The following GLIS1 variants were observed in gnomAD, a reference collection of about 807,000 sequenced individuals.
GLIS1 encodes the protein GLIS family zinc finger 1, also known as zinc finger protein GLIS1.
Under a neutral mutation model 63.8 loss-of-function variants are expected in GLIS1, and 24 were observed. That is an observed-to-expected ratio of 0.38 (90% CI 0.27 to 0.53). The LOEUF (loss-of-function observed/expected upper bound fraction) is 0.53. GLIS1 is among the 20% of genes least tolerant of loss of function. The probability of loss-of-function intolerance (pLI) is 0.85; values close to 1 mark genes in which losing one functional copy is unlikely to be tolerated. For synonymous variants in GLIS1, 450 were observed against 482.5 expected, an observed-to-expected ratio of 0.93 and a Z score of 0.88; for missense variants, 1,036 against 1,074.1, an observed-to-expected ratio of 0.96 and a Z score of 0.50.
At chr1:53,530,037 C>A in intron 4 of GLIS1, 85 bp from the exon 5 acceptor site, 7 of 1,260,486 alleles carry the variant, frequency 5.6e-6, no homozygotes, top group Non-Finnish European at 7.6e-6. Flanking sequence ...GCCTGCCTGG[C>A]CCCAGCACCC....
chr1:53,514,489 G>T, intron 8 of GLIS1, 136 bp downstream of exon 8: 2 of 839,712 alleles, frequency 2.4e-6, no homozygotes, highest in Non-Finnish European at 3.7e-6. Context: ...GCAGTCTGCA[G>T]TCAGTGTTCC....
intron 2 of GLIS1, among the ~76,000 whole-genome samples, chr1:53,723,386 G>A (rs112070924): frequency 1.5e-3 from 226 of 151,668 alleles, no homozygotes; most frequent in Non-Finnish European, 2.4e-3. Flanking sequence ...TCACAGGTGC[G>A]TGCCACTATG....
In GLIS1 at chr1:53,594,989, A is replaced by G; in HGVS notation, c.439T>C (p.Ser147Pro). Reference sequence around the variant, plus strand: ...ACATACGTGGCCTGGGGTCTAGGTGACCTGGAAGACAGTGCCCAGAGAGGT... The same window carrying G: ...ACATACGTGGCCTGGGGTCTAGGTGGCCTGGAAGACAGTGCCCAGAGAGGT... Reference protein sequence around the residue: ...RLLHFPHPDRSPRPQATYVNG... With the variant: ...RLLHFPHPDRPPRPQATYVNG... The change falls in exon 4 of 11, where the codon TCA becomes CCA. Residue 147 changes from serine to proline, a missense_variant and splice_region_variant. Physicochemically the swap from Ser to Pro is moderately conservative, Grantham distance 74. Transcript: ENST00000628545. 1 of 1,421,576 alleles carries G rather than the reference A, an allele frequency of 7.0e-7. No homozygotes were observed. The highest frequency in any genetic ancestry group is 1.5e-5 in the South Asian group (1 of 65,426). The allele number at this position is 1,421,576 out of a possible 1,614,324, so 88.1% of individuals were successfully genotyped here. A position where few individuals can be genotyped will look rare whatever the true frequency, so the allele number is the denominator to read the frequency against.
At chr1:53,666,090 C>T (rs547373784) in intron 2 of GLIS1, among the ~76,000 whole-genome samples, 1 of 152,330 alleles carries the variant, frequency 6.6e-6, no homozygotes, top group South Asian at 2.1e-4. Flanking sequence ...CGAGGTTACA[C>T]AGCCAGGAAG....
At chr1:53,520,834 AG>A in intron 6 of GLIS1, 68 bp from the exon 7 acceptor site, 1 of 1,499,480 alleles carries the variant, frequency 6.7e-7, no homozygotes, top group Non-Finnish European at 9.0e-7. Context: ...CCCTCACGTT[AG>A]GGGACAGGGC....
intron 2 of GLIS1, among the ~76,000 whole-genome samples, chr1:53,719,027 C>T (rs796123902): frequency 5.9e-5 from 9 of 152,278 alleles, no homozygotes; most frequent in South Asian, 4.2e-4. Context: ...GGCAGGCACC[C>T]GCATGCATCC....
chr1:53,583,786 G>C (rs970048700), intron 4 of GLIS1, among the ~76,000 whole-genome samples: 1 of 152,234 alleles, frequency 6.6e-6, no homozygotes, highest in Admixed American at 6.5e-5. Context: ...AGACCACGGA[G>C]GCCCCAGTCC....
intron 2 of GLIS1, among the ~76,000 whole-genome samples, chr1:53,695,531 G>A (rs1309040276): frequency 6.6e-6 from 1 of 152,200 alleles, no homozygotes; most frequent in Non-Finnish European, 1.5e-5. Context: ...TGCCATGACT[G>A]CCACATAAGT....
chr1:53,563,581 G>A (rs1644910619), intron 4 of GLIS1, among the ~76,000 whole-genome samples: 1 of 152,152 alleles, frequency 6.6e-6, no homozygotes, highest in African/African-American at 2.4e-5. Context: ...AAGACAAGCA[G>A]CTAGAAAATA....
intron 2 of GLIS1, among the ~76,000 whole-genome samples, chr1:53,717,545 C>T (rs542619956): frequency 6.6e-6 from 1 of 152,276 alleles, no homozygotes; most frequent in South Asian, 2.1e-4. Context: ...AAATTACTCA[C>T]CTTATAAGGC....
intron 2 of GLIS1, among the ~76,000 whole-genome samples, chr1:53,725,745 A>G (rs1646799265): frequency 6.6e-6 from 1 of 152,210 alleles, no homozygotes; most frequent in African/African-American, 2.4e-5. Flanking sequence ...CAGCCATTCC[A>G]GTTTTCAGGC....
intron 2 of GLIS1, among the ~76,000 whole-genome samples, chr1:53,704,906 T>A (rs1646561824): frequency 6.6e-6 from 1 of 152,208 alleles, no homozygotes; most frequent in Admixed American, 6.5e-5. Flanking sequence ...GCTTGCCAGC[T>A]GCTTTCACAG....
chr1:53,729,164 G>A (rs1373443032), intron 2 of GLIS1, among the ~76,000 whole-genome samples: 1 of 152,212 alleles, frequency 6.6e-6, no homozygotes, highest in African/African-American at 2.4e-5. Context: ...TACCCCTGCT[G>A]TCAGGGATGG....
chr1:53,712,010 T>C (rs1364129114), intron 2 of GLIS1, among the ~76,000 whole-genome samples: 3 of 152,218 alleles, frequency 2.0e-5, no homozygotes. Flanking sequence ...GTTCTCATCC[T>C]TAGGGAGTCA....
At chr1:53,621,042 G>C (rs907478233) in intron 2 of GLIS1, among the ~76,000 whole-genome samples, 1 of 152,232 alleles carries the variant, frequency 6.6e-6, no homozygotes, top group African/African-American at 2.4e-5. Context: ...GAGACAGCCA[G>C]CCTGGTCTGG....
rs1645389181 is a variant in GLIS1 at position 53,608,008 on chromosome 1, C to A, written c.260-7730G>T. Among the ~76,000 whole-genome samples the A allele has an allele frequency of 2.1e-5, 3 of 144,498 alleles. No homozygotes were observed. The South Asian group carries it at 6.5e-4, about 31-fold the overall frequency. The allele number at this position is 144,498 out of a possible 152,430, so 94.8% of individuals were successfully genotyped here. On this transcript the variant is annotated intron_variant, in intron 2 of 10. Coordinates refer to ENST00000628545, the MANE Select transcript of GLIS1 (RefSeq NM_001367484.1). ...GGGTCTTGCTCTGCTGTCATCCAGG[C>A]TGGAGTGCAGTGGTGCGATCATAGC...
chr1:53,705,862 C>T (rs868409034), intron 2 of GLIS1, among the ~76,000 whole-genome samples: 1 of 152,196 alleles, frequency 6.6e-6, no homozygotes, highest in African/African-American at 2.4e-5. Context: ...CCCATCAATG[C>T]TCCCGGGAAG....
intron 8 of GLIS1, among the ~76,000 whole-genome samples, chr1:53,512,240 GCTC>G (rs1218292699): frequency 6.6e-6 from 1 of 152,144 alleles, no homozygotes; most frequent in Non-Finnish European, 1.5e-5. Flanking sequence ...ATCTTCTGGA[GCTC>G]CTCCTCTGAG....
chr1:53,680,167 T>A (rs982704486), intron 2 of GLIS1, among the ~76,000 whole-genome samples: 7 of 151,972 alleles, frequency 4.6e-5, no homozygotes, highest in African/African-American at 1.7e-4. Context: ...GGACCTAGAT[T>A]GTCTCAGCCA....
Sources: gnomAD v4.1 joint callset for allele counts (sites outside exome capture counted in the v4.1 genomes callset) on GRCh38, gnomAD v4.1.1 for gene constraint, MANE v1.5 for transcripts, NCBI Gene and HGNC (gene_info 2026-07-23, HGNC 2026-07-21) for gene names.